Variants in AGBL1 observed in about 807,000 individuals in gnomAD.
The protein encoded by AGBL1 is cytosolic carboxypeptidase 4.
AGBL1 carries 130 observed loss-of-function variants against 118.9 expected under a neutral mutation model. The observed-to-expected ratio is 1.09, with a 90% confidence interval of 0.95 to 1.26. The LOEUF is 1.26. Among genes scored for constraint, AGBL1 ranks in the 50% most tolerant of loss-of-function variants. The pLI is 0.00. For missense variants in AGBL1, 1,584 were observed against 1,298.1 expected (o/e 1.22, Z -3.38); for synonymous variants, 555 against 478.9 (o/e 1.16, Z -2.08).
chr15:86,828,094 C>T (rs2079057145), intron 22 of AGBL1, among the ~76,000 whole-genome samples: 1 of 151,396 alleles, frequency 6.6e-6, no homozygotes. Context: ...TACATGCCAC[C>T]TTGCCCAACT....
chr15:86,478,692 A>C (rs981773365), intron 18 of AGBL1, among the ~76,000 whole-genome samples: 12 of 152,186 alleles, frequency 7.9e-5, no homozygotes, highest in African/African-American at 2.9e-4. Flanking sequence ...CATCCCCATC[A>C]AGCTACCAAT....
At chr15:86,645,005 G>A (rs1435362210) in intron 21 of AGBL1, among the ~76,000 whole-genome samples, 1 of 152,012 alleles carries the variant, frequency 6.6e-6, no homozygotes, top group African/African-American at 2.4e-5. Context: ...TGGGTGACAA[G>A]AGCGAGACTG....
chr15:86,389,924 CATTA>C (rs766324541), intron 17 of AGBL1, among the ~76,000 whole-genome samples: 11 of 152,086 alleles, frequency 7.2e-5, no homozygotes, highest in Admixed American at 3.3e-4. Context: ...CAATATAAAT[CATTA>C]ATTATATCAA....
At chr15:86,198,923 TAAAGTA>T (rs1205701150) in intron 5 of AGBL1, among the ~76,000 whole-genome samples, 1 of 152,174 alleles carries the variant, frequency 6.6e-6, no homozygotes, top group African/African-American at 2.4e-5. Context: ...TGATAAAAAT[TAAAGTA>T]AAACAGAAGT....
chr15:86,625,529 A>G (rs1323933129), intron 21 of AGBL1, among the ~76,000 whole-genome samples: 1 of 151,770 alleles, frequency 6.6e-6, no homozygotes, highest in Non-Finnish European at 1.5e-5. Flanking sequence ...TACAAACTAC[A>G]CACAAATGTT....
At chr15:87,005,487 A>G (rs1567283190) in intron 24 of AGBL1, among the ~76,000 whole-genome samples, 1 of 152,158 alleles carries the variant, frequency 6.6e-6, no homozygotes, top group Non-Finnish European at 1.5e-5. Context: ...CGAATTGGCT[A>G]CTGAACCTTG....
intron 22 of AGBL1, among the ~76,000 whole-genome samples, chr15:86,865,446 C>T (rs1020653688): frequency 7.2e-5 from 11 of 152,092 alleles, no homozygotes; most frequent in African/African-American, 2.7e-4. Context: ...AAACACAGGC[C>T]CTTGGCATAA....
intron 3 of AGBL1, among the ~76,000 whole-genome samples, 195 bp downstream of exon 3, chr15:86,144,040 G>C (rs2077000298): frequency 6.6e-6 from 1 of 152,164 alleles, no homozygotes; most frequent in Admixed American, 6.5e-5. Flanking sequence ...CTCATCCAAG[G>C]TATGGTGCTC....
intron 24 of AGBL1, among the ~76,000 whole-genome samples, chr15:86,999,371 C>A (rs1056626778): frequency 7.9e-4 from 116 of 147,160 alleles, no homozygotes; most frequent in Non-Finnish European, 1.0e-3. Flanking sequence ...TCCCTCCCCC[C>A]TGCCACCACC....
intron 1 of AGBL1, among the ~76,000 whole-genome samples, chr15:86,086,019 TTTGAGGTGTAA>T (rs372100414): frequency 3.3e-4 from 51 of 152,320 alleles, no homozygotes; most frequent in African/African-American, 1.2e-3. Flanking sequence ...CCAGTGGTGC[TTTGAGGTGTAA>T]TTGGAAATGC....
chr15:86,857,403 C>G (rs1281974281), intron 22 of AGBL1, among the ~76,000 whole-genome samples: 2 of 152,158 alleles, frequency 1.3e-5, no homozygotes, highest in Admixed American at 6.5e-5. Context: ...ATCTCGAGCC[C>G]ACATCCATGC....
At chr15:86,752,039 A>G (rs1397055698) in intron 22 of AGBL1, among the ~76,000 whole-genome samples, 1 of 152,098 alleles carries the variant, frequency 6.6e-6, no homozygotes, top group African/African-American at 2.4e-5. Context: ...TGTTCTCTAT[A>G]TGGAATAAAT....
chr15:86,541,549 C>T (rs2142242068), intron 19 of AGBL1, among the ~76,000 whole-genome samples: 1 of 138,104 alleles, frequency 7.2e-6, no homozygotes. Flanking sequence ...GCCATGATTG[C>T]ACCACTGCAT....
chr15:86,738,255 A>G (rs750490034), intron 22 of AGBL1, among the ~76,000 whole-genome samples: 8 of 152,230 alleles, frequency 5.3e-5, no homozygotes, highest in Non-Finnish European at 8.8e-5. Context: ...CTATGTGACA[A>G]TTACACAGCT....
At chr15:86,655,716 A>C (rs1261104514) in intron 21 of AGBL1, among the ~76,000 whole-genome samples, 1 of 152,176 alleles carries the variant, frequency 6.6e-6, no homozygotes, top group Non-Finnish European at 1.5e-5. Context: ...TTGCTGGGAG[A>C]AGGGAAGTCA....
intron 21 of AGBL1, among the ~76,000 whole-genome samples, chr15:86,565,065 G>A (rs927963884): frequency 6.6e-5 from 10 of 152,168 alleles, no homozygotes; most frequent in African/African-American, 1.9e-4. Context: ...GCTTCTTTGC[G>A]ATGGGTTTGA....
At chr15:86,599,481 A>T (rs2084461926) in intron 21 of AGBL1, among the ~76,000 whole-genome samples, 1 of 151,870 alleles carries the variant, frequency 6.6e-6, no homozygotes, top group Non-Finnish European at 1.5e-5. Flanking sequence ...CTTTATTTTT[A>T]TGTTTTAAAT....
chr15:86,972,630 T>G (rs2081120859), intron 23 of AGBL1, among the ~76,000 whole-genome samples: 1 of 152,054 alleles, frequency 6.6e-6, no homozygotes, highest in African/African-American at 2.4e-5. Context: ...AATGTTTGAC[T>G]TCTGAAACTC....
At chr15:86,815,985 T>G (rs1411933404) in intron 22 of AGBL1, among the ~76,000 whole-genome samples, 1 of 152,164 alleles carries the variant, frequency 6.6e-6, no homozygotes, top group Non-Finnish European at 1.5e-5. Context: ...TGGTAGTAAG[T>G]GTAACAAGCA....
Sources: gnomAD v4.1 joint callset for allele counts (sites outside exome capture counted in the v4.1 genomes callset) on GRCh38, gnomAD v4.1.1 for gene constraint, MANE v1.5 for transcripts, NCBI Gene and HGNC (gene_info 2026-07-23, HGNC 2026-07-21) for gene names.